Variants in SP100 observed in about 807,000 individuals in gnomAD.
The protein encoded by SP100 is nuclear autoantigen Sp-100.
A neutral mutation model predicts 130.0 loss-of-function variants in SP100; 84 were observed. That is an observed-to-expected ratio of 0.65 (90% CI 0.54 to 0.77). The LOEUF (loss-of-function observed/expected upper bound fraction) is 0.77. SP100 is among the 30% of genes least tolerant of loss of function. The pLI is 0.00. For missense variants in SP100, 978 were observed against 1,052.2 expected (o/e 0.93, Z 0.97); for synonymous variants, 331 against 351.7 (o/e 0.94, Z 0.66).
intron 8 of SP100, 54 bp downstream of exon 8, chr2:230,450,309 C>A: frequency 7.2e-7 from 1 of 1,385,948 alleles, no homozygotes; most frequent in Non-Finnish European, 1.0e-6. Flanking sequence ...AGATGCTATA[C>A]ATTTGGTTGG....
At chr2:230,507,407 T>G (rs946694842) in intron 22 of SP100, 1 of 152,320 alleles carries the variant, frequency 6.6e-6, no homozygotes, top group Admixed American at 6.5e-5. Context: ...AAATAACTAT[T>G]ACACAAATAA....
intron 24 of SP100, chr2:230,520,539 G>C (rs1678208): frequency 0.16 from 24,806 of 152,202 alleles, 2,437 homozygotes; most frequent in Non-Finnish European, 0.22. Flanking sequence ...GCAACCCCCA[G>C]CCAGGGCATC....
chr2:230,429,511 G>A (rs1046409416), intron 2 of SP100, among the ~76,000 whole-genome samples: 2 of 152,164 alleles, frequency 1.3e-5, no homozygotes, highest in African/African-American at 4.8e-5. Context: ...AATGTGGAAA[G>A]TTTCCAGCCA....
At chr2:230,504,798 G>A (rs1162995032) in intron 21 of SP100, among the ~76,000 whole-genome samples, 1 of 152,098 alleles carries the variant, frequency 6.6e-6, no homozygotes, top group African/African-American at 2.4e-5. Flanking sequence ...TTCATTTATG[G>A]TTATAGATAA....
chr2:230,434,881 G>A (rs921145612), intron 2 of SP100, among the ~76,000 whole-genome samples: 1 of 152,214 alleles, frequency 6.6e-6, no homozygotes, highest in Non-Finnish European at 1.5e-5. Context: ...AGCAAAAGGA[G>A]AGGAGCAAAG....
At chr2:230,464,402 C>G (rs1200341277) in intron 11 of SP100, among the ~76,000 whole-genome samples, 4 of 152,102 alleles carry the variant, frequency 2.6e-5, no homozygotes, top group Non-Finnish European at 5.9e-5. Context: ...CAAAAATATG[C>G]TAGTAAAATA....
intron 3 of SP100, 117 bp from the exon 4 acceptor site, chr2:230,444,061 C>G: frequency 1.4e-6 from 1 of 733,490 alleles, no homozygotes; most frequent in Non-Finnish European, 2.1e-6. Context: ...TATAGAACCT[C>G]ACATGAAAAT....
At chr2:230,485,358 T>C (rs1469442721) in intron 17 of SP100, among the ~76,000 whole-genome samples, 3 of 152,164 alleles carry the variant, frequency 2.0e-5, no homozygotes, top group Non-Finnish European at 4.4e-5. Flanking sequence ...CAATTTGTAT[T>C]TGCATTTCCT....
At chr2:230,494,719 A>AGGGCTGAGCTGGTTGACATT (rs1251114105) in intron 18 of SP100, among the ~76,000 whole-genome samples, 7 of 152,196 alleles carry the variant, frequency 4.6e-5, no homozygotes, top group African/African-American at 1.7e-4. Flanking sequence ...TGGGTCCACA[A>AGGGCTGAGCTGGTTGACATT]GGGCTGAGCT....
chr2:230,439,125 A>C (rs948668430), intron 2 of SP100, among the ~76,000 whole-genome samples: 1 of 151,972 alleles, frequency 6.6e-6, no homozygotes, highest in Non-Finnish European at 1.5e-5. Flanking sequence ...ATTTTTTCAT[A>C]TATTTCTTGG....
intron 24 of SP100, among the ~76,000 whole-genome samples, chr2:230,533,670 G>T (rs182602590): frequency 6.6e-6 from 1 of 152,248 alleles, no homozygotes; most frequent in Admixed American, 6.5e-5. Flanking sequence ...AATCTGTCTA[G>T]GCCAAGGGAC....
intron 8 of SP100, among the ~76,000 whole-genome samples, chr2:230,457,718 A>T (rs1395571088): frequency 6.6e-6 from 1 of 152,078 alleles, no homozygotes; most frequent in East Asian, 1.9e-4. Flanking sequence ...GTGATCTTTC[A>T]TCTGGTTTCC....
intron 26 of SP100, 59 bp from the exon 27 acceptor site, chr2:230,541,242 C>T (rs1692162920): frequency 4.7e-6 from 7 of 1,490,858 alleles, no homozygotes; most frequent in South Asian, 1.1e-5. Flanking sequence ...TTTGGGCAAG[C>T]ATATGAGCTC....
intron 15 of SP100, chr2:230,473,089 T>G: frequency 2.6e-6 from 1 of 386,456 alleles, no homozygotes; most frequent in South Asian, 3.7e-5. Context: ...TCCAGTGTTC[T>G]TCATCACTGA....
chr2:230,437,355 T>A (rs1384812022), intron 2 of SP100, among the ~76,000 whole-genome samples: 1 of 152,214 alleles, frequency 6.6e-6, no homozygotes, highest in African/African-American at 2.4e-5. Context: ...CTACAAGTTT[T>A]ATTTCATCTT....
At chr2:230,461,456 T>G in intron 9 of SP100, 42 bp downstream of exon 9, 1 of 1,607,622 alleles carries the variant, frequency 6.2e-7, no homozygotes, top group Non-Finnish European at 8.5e-7. Flanking sequence ...AGTCACAGGT[T>G]ACCAGGTAAG....
At chr2:230,439,225 TTTGAG>T (rs2063391583) in intron 2 of SP100, among the ~76,000 whole-genome samples, 1 of 152,212 alleles carries the variant, frequency 6.6e-6, no homozygotes, top group Non-Finnish European at 1.5e-5. Flanking sequence ...TGCTGATTTG[TTTGAG>T]TTATTTATAG....
intron 24 of SP100, chr2:230,515,065 T>G (rs1310538798): frequency 1.9e-6 from 3 of 1,610,348 alleles, no homozygotes; most frequent in African/African-American, 1.3e-5. Context: ...TGAAATGTTA[T>G]CATATGCATT....
At chr2:230,530,203 A>G (rs988506297) in intron 24 of SP100, among the ~76,000 whole-genome samples, 1 of 152,214 alleles carries the variant, frequency 6.6e-6, no homozygotes, top group Non-Finnish European at 1.5e-5. Flanking sequence ...CAGTAACCAA[A>G]ACAGCATGGT....
Sources: gnomAD v4.1 joint callset for allele counts (sites outside exome capture counted in the v4.1 genomes callset) on GRCh38, gnomAD v4.1.1 for gene constraint, MANE v1.5 for transcripts, NCBI Gene and HGNC (gene_info 2026-07-23, HGNC 2026-07-21) for gene names.